Variants in SERINC5 observed in about 807,000 individuals in gnomAD.
SERINC5 encodes chromosome 5 open reading frame 12.
SERINC5 carries 41 observed loss-of-function variants against 63.1 expected under a neutral mutation model. The observed-to-expected ratio is 0.65, with a 90% CI of 0.51 to 0.84. SERINC5 has a LOEUF of 0.84. Among genes scored for constraint, SERINC5 ranks in the 40% least tolerant of loss-of-function variants. SERINC5 has a pLI of 0.00. For synonymous variants in SERINC5, 222 were observed against 215.2 expected (o/e 1.03, Z -0.28); for missense variants, 523 against 573.0 (o/e 0.91, Z 0.89).
At chr5:80,127,267 C>T (rs1295933431) in intron 11 of SERINC5, among the ~76,000 whole-genome samples, 3 of 152,188 alleles carry the variant, frequency 2.0e-5, no homozygotes, top group Non-Finnish European at 2.9e-5. Context: ...GGCCATGAGA[C>T]TTGCTTTGAC....
At chr5:80,161,425 A>T (rs1392980805) in intron 7 of SERINC5, among the ~76,000 whole-genome samples, 2 of 152,084 alleles carry the variant, frequency 1.3e-5, no homozygotes, top group African/African-American at 4.8e-5. Flanking sequence ...TTATGGTTTT[A>T]ATTTGCATTT....
At chr5:80,207,814 T>C (rs1266307229) in intron 1 of SERINC5, among the ~76,000 whole-genome samples, 2 of 152,226 alleles carry the variant, frequency 1.3e-5, no homozygotes, top group African/African-American at 2.4e-5. Context: ...GAGCACATTA[T>C]CTTAAGCTAC....
Position 80,177,755 on chromosome 5 carries a change from C to T in SERINC5, c.374+131G>A, listed in dbSNP as rs115741740. The T allele has an allele frequency of 6.6e-3, 4,876 of 740,706 alleles. 25 individuals are homozygous for T. Among genetic ancestry groups the T allele is most frequent in the Non-Finnish European group, 8.9e-3 (4,085 of 459,084 alleles). 45.9% of individuals were successfully genotyped at this position (740,706 alleles called of 1,614,324 possible). On this transcript the variant is annotated intron_variant, in intron 3 of 11. Transcript: ENST00000507668. ...ACCATGTGGGTAAGTATCAATTCCA[C>T]CTTCCCCTAAATCAACAATTTCAAC...
At chr5:80,116,833 CTTT>C (rs780853184) in intron 11 of SERINC5, among the ~76,000 whole-genome samples, 1 of 143,322 alleles carries the variant, frequency 7.0e-6, no homozygotes, top group African/African-American at 2.6e-5. Context: ...CTGGAGAGCT[CTTT>C]TTTTTTTTTT....
rs143024165 is a variant in SERINC5 at position 80,142,310 on chromosome 5, T to G, written c.*1353A>C. ...CCTGTGCAGCGTGATCTCGGCTCAC[T>G]GCAACCTCCGCCTCCCGGGTTCAAG... is the stretch of plus-strand genomic sequence containing the variant. On this transcript the variant is annotated 3_prime_UTR_variant, in exon 12 of 12. Coordinates refer to ENST00000507668, the MANE Select transcript of SERINC5 (RefSeq NM_001174072.3). The G allele has an allele frequency of 8.4e-3, 8,233 of 982,674 alleles. 41 individuals are homozygous for G. The highest frequency in any genetic ancestry group is 0.018 in the Middle Eastern group (35 of 1,910). 60.9% of individuals were successfully genotyped at this position (982,674 alleles called of 1,614,324 possible). A position where few individuals can be genotyped will look rare whatever the true frequency, so the allele number is the denominator to read the frequency against.
intron 5 of SERINC5, among the ~76,000 whole-genome samples, chr5:80,173,658 G>T (rs1365400786): frequency 6.6e-6 from 1 of 152,008 alleles, no homozygotes; most frequent in Non-Finnish European, 1.5e-5. Flanking sequence ...GCTTCTTGCT[G>T]CTCTCCCCTC....
chr5:80,206,828 T>TTTTG (rs1247934289), intron 1 of SERINC5, among the ~76,000 whole-genome samples: 12 of 150,672 alleles, frequency 8.0e-5, no homozygotes, highest in African/African-American at 2.7e-4. Context: ...TTTTTTTTTT[T>TTTTG]TTAAGAGACA....
At chr5:80,181,711 G>C (rs116152050) in intron 2 of SERINC5, among the ~76,000 whole-genome samples, 1 of 151,988 alleles carries the variant, frequency 6.6e-6, no homozygotes, top group Non-Finnish European at 1.5e-5. Context: ...GCTTGATAAA[G>C]ACTGCATCCA....
chr5:80,174,213 A>G (rs1271093247), intron 5 of SERINC5, among the ~76,000 whole-genome samples: 3 of 151,920 alleles, frequency 2.0e-5, no homozygotes, highest in Non-Finnish European at 4.4e-5. Flanking sequence ...AAACAAAAAA[A>G]GAAATTAGCC....
Position 80,175,652 on chromosome 5 carries a change from T to G in SERINC5, c.458-605A>C, listed in dbSNP as rs576428999. Reference sequence around the variant, plus strand: ...GGGAGGCTGAGGCAGGGGGATCACTTGAGGTCAGGAGTCGGAAACCAGCCT... The same window carrying G: ...GGGAGGCTGAGGCAGGGGGATCACTGGAGGTCAGGAGTCGGAAACCAGCCT... On this transcript the variant is annotated intron_variant, in intron 4 of 11. Transcript: ENST00000507668. Among the ~76,000 whole-genome samples the G allele has an allele frequency of 3.9e-4, 59 of 151,384 alleles. No homozygotes were observed. In the South Asian group the frequency reaches 5.7e-3, roughly 15 times the overall value.
At chr5:80,121,567 T>C (rs1266859800) in intron 11 of SERINC5, among the ~76,000 whole-genome samples, 1 of 152,032 alleles carries the variant, frequency 6.6e-6, no homozygotes, top group African/African-American at 2.4e-5. Flanking sequence ...AACTATATCA[T>C]ACACTTTTGG....
At chr5:80,160,430 CAT>C (rs1746806724) in intron 7 of SERINC5, among the ~76,000 whole-genome samples, 1 of 152,162 alleles carries the variant, frequency 6.6e-6, no homozygotes, top group African/African-American at 2.4e-5. Context: ...AAGCAAGTAA[CAT>C]AAAGTAACAC....
Position 80,143,560 on chromosome 5 carries a change from C to A in SERINC5, c.*103G>T. ...TTTTCTCTCTCAAAGCTTTTTCAGA[C>A]CCACTCAGGCACAGGGCGCCAGTCC... On this transcript the variant is annotated 3_prime_UTR_variant, in exon 12 of 12. Coordinates refer to ENST00000507668, the MANE Select transcript of SERINC5 (RefSeq NM_001174072.3). 7.3e-7 allele frequency: 1 copy of A among 1,371,720 alleles called. No homozygotes were observed. The highest frequency in any genetic ancestry group is 9.4e-7 in the Non-Finnish European group (1 of 1,063,342). 85.0% of individuals were successfully genotyped at this position (1,371,720 alleles called of 1,614,324 possible). A position where few individuals can be genotyped will look rare whatever the true frequency, so the allele number is the denominator to read the frequency against.
At chr5:80,234,644 A>G (rs993989949) in intron 1 of SERINC5, among the ~76,000 whole-genome samples, 1 of 152,188 alleles carries the variant, frequency 6.6e-6, no homozygotes, top group African/African-American at 2.4e-5. Flanking sequence ...TGAATGAAAA[A>G]CAAATGCCCC....
At chr5:80,168,166 T>G (rs1222858654) in intron 6 of SERINC5, among the ~76,000 whole-genome samples, 1 of 152,146 alleles carries the variant, frequency 6.6e-6, no homozygotes, top group African/African-American at 2.4e-5. Flanking sequence ...CTTAAAATTT[T>G]TAATAGAAGA....
At position 80,160,028 on chromosome 5, in the gene SERINC5, G is replaced by A. The variant is rs537649383; in HGVS notation, c.860-1066C>T. 6.6e-5 allele frequency among the ~76,000 whole-genome samples: 10 copies of A among 152,280 alleles called. No homozygotes were observed. In the South Asian group the frequency reaches 1.2e-3, roughly 19 times the overall value. On this transcript the variant is annotated intron_variant, in intron 7 of 11. Coordinates refer to ENST00000507668, the MANE Select transcript of SERINC5 (RefSeq NM_001174072.3). Reference sequence around the variant, plus strand: ...CAAATTAATCCATCCCAAAGAAGGGGTAACTGTGGGAGCCCTAACAGTTGG... The same window carrying A: ...CAAATTAATCCATCCCAAAGAAGGGATAACTGTGGGAGCCCTAACAGTTGG...
chr5:80,150,375 T>C (rs554952993), intron 9 of SERINC5, among the ~76,000 whole-genome samples: 2 of 152,184 alleles, frequency 1.3e-5, no homozygotes, highest in Non-Finnish European at 2.9e-5. Flanking sequence ...AAATCAAGAA[T>C]GGACTGATTC....
chr5:80,165,512 A>C (rs1415838045), intron 7 of SERINC5, among the ~76,000 whole-genome samples: 1 of 152,214 alleles, frequency 6.6e-6, no homozygotes, highest in Non-Finnish European at 1.5e-5. Flanking sequence ...TAAGTAATAG[A>C]GAGGATAAGT....
chr5:80,216,531 TG>T (rs1446975874), intron 1 of SERINC5, among the ~76,000 whole-genome samples: 2 of 152,064 alleles, frequency 1.3e-5, no homozygotes, highest in Non-Finnish European at 2.9e-5. Context: ...ACAAGAGCTG[TG>T]GGAACATTCA....
Sources: allele counts gnomAD v4.1 joint callset (sites outside exome capture counted in the v4.1 genomes callset), GRCh38; gene constraint gnomAD v4.1.1; transcripts MANE v1.5; gene names NCBI Gene and HGNC (gene_info 2026-07-23, HGNC 2026-07-21).